PGM2L1: variants seen among roughly 807,000 people sequenced by gnomAD.
PGM2L1 encodes glucose 1,6-bisphosphate synthase.
In PGM2L1, 35 loss-of-function variants were observed where a neutral mutation model predicts 73.4. The observed-to-expected ratio is 0.48, with a 90% confidence interval of 0.36 to 0.63. PGM2L1 has a LOEUF of 0.63. Ranked by LOEUF, PGM2L1 falls within the 30% of genes least tolerant of loss-of-function variation. The pLI, the probability that PGM2L1 is intolerant of heterozygous loss-of-function variation, is 0.00. For missense variants in PGM2L1, 570 were observed against 742.0 expected (o/e 0.77, Z 2.69); for synonymous variants, 225 against 253.8 (o/e 0.89, Z 1.08).
chr11:74,369,612 T>A (rs1862719140), intron 4 of PGM2L1, among the ~76,000 whole-genome samples: 1 of 152,142 alleles, frequency 6.6e-6, no homozygotes, highest in South Asian at 2.1e-4. Flanking sequence ...TAACAAAGGA[T>A]AAGATGCTGG....
intron 1 of PGM2L1, among the ~76,000 whole-genome samples, chr11:74,384,820 A>G (rs1247677985): frequency 6.6e-6 from 1 of 152,168 alleles, no homozygotes; most frequent in Non-Finnish European, 1.5e-5. Flanking sequence ...ACCAGTATTC[A>G]CAGGGCAGCC....
At chr11:74,349,140 A>T (rs1005598209) in intron 6 of PGM2L1, among the ~76,000 whole-genome samples, 1 of 152,194 alleles carries the variant, frequency 6.6e-6, no homozygotes, top group Non-Finnish European at 1.5e-5. Flanking sequence ...TTTTTCTTTT[A>T]AAAATAATGA....
intron 5 of PGM2L1, chr11:74,355,764 C>T (rs1862442277): frequency 2.1e-6 from 1 of 470,922 alleles, no homozygotes. Context: ...AGAGGAGAGC[C>T]AGAGAAGTGA....
At chr11:74,350,260 T>C (rs1035455787) in intron 6 of PGM2L1, among the ~76,000 whole-genome samples, 6 of 152,306 alleles carry the variant, frequency 3.9e-5, no homozygotes, top group African/African-American at 1.4e-4. Flanking sequence ...AAGCTAAAAT[T>C]ATTTTGTAGG....
At chr11:74,382,349 C>T (rs1411386786) in intron 1 of PGM2L1, among the ~76,000 whole-genome samples, 1 of 152,124 alleles carries the variant, frequency 6.6e-6, no homozygotes, top group Non-Finnish European at 1.5e-5. Context: ...CTACAGAGGC[C>T]ACTCCTTGTG....
chr11:74,370,566 T>TAC (rs199915083), intron 4 of PGM2L1, among the ~76,000 whole-genome samples: 2 of 151,592 alleles, frequency 1.3e-5, no homozygotes, highest in African/African-American at 2.4e-5. Flanking sequence ...TTTACACACA[T>TAC]ACACACACAC....
At chr11:74,381,951 A>G (rs1862954300) in intron 1 of PGM2L1, among the ~76,000 whole-genome samples, 1 of 151,844 alleles carries the variant, frequency 6.6e-6, no homozygotes. Context: ...TTAAAACAAG[A>G]TACCATTTTT....
At chr11:74,355,294 C>T in intron 5 of PGM2L1, 4 of 832,264 alleles carry the variant, frequency 4.8e-6, no homozygotes, top group Non-Finnish European at 8.3e-6. Context: ...TGGCTCACAC[C>T]TGTAATCCCA....
rs1359244590 is a variant in PGM2L1, at chr11:74,335,078, T to A, written c.*1574A>T. On this transcript the variant is annotated 3_prime_UTR_variant, in exon 14 of 14. Coordinates refer to ENST00000298198, the MANE Select transcript of PGM2L1 (RefSeq NM_173582.6). ...GCCACCAAGCCCAGCCTAAACAGCA[T>A]TTCTCTATTAAACCTTTTCAGAAGA... 6.8e-6 allele frequency: 1 copy of A among 146,100 alleles called. No homozygotes were observed. Among genetic ancestry groups the A allele is most frequent in the Non-Finnish European group, 1.5e-5 (1 of 66,226 alleles). 9.1% of individuals were successfully genotyped at this position (146,100 alleles called of 1,614,324 possible).
intron 6 of PGM2L1, among the ~76,000 whole-genome samples, chr11:74,347,685 C>T (rs1214652040): frequency 6.6e-6 from 1 of 152,122 alleles, no homozygotes; most frequent in African/African-American, 2.4e-5. Flanking sequence ...CCAGTAGACC[C>T]CTCGTTTCTT....
rs866173332 is a variant in PGM2L1 at position 74,331,709 on chromosome 11, A to T, written c.*4943T>A. 2 of 152,208 alleles carry T rather than the reference A, an allele frequency of 1.3e-5. No homozygotes were observed. The highest frequency in any genetic ancestry group is 2.9e-5 in the Non-Finnish European group (2 of 68,046). 9.4% of individuals were successfully genotyped at this position (152,208 alleles called of 1,614,324 possible). ...TGGCATAAGTTTCAGTAAAGATTAA[A>T]CATATCATTTTTATATTAAAAGTTT... On this transcript the variant is annotated 3_prime_UTR_variant, in exon 14 of 14. Transcript: ENST00000298198.
Position 74,342,946 on chromosome 11 carries a change from C to A in PGM2L1, c.1381G>T (p.Ala461Ser), listed in dbSNP as rs377606136. 1.9e-6 allele frequency: 3 copies of A among 1,610,502 alleles called. No homozygotes were observed. Among genetic ancestry groups the A allele is most frequent in the African/African-American group, 1.3e-5 (1 of 74,788 alleles). ...ATATTCATGGTTTCCAGGTAAGATG[C>A]CATCTCAGCAACCACAACAGCTGCA... ...VSAAVVVAEM[A>S]SYLETMNITL... Residue 461 changes from alanine (A) to serine (S), a missense_variant, in exon 11 of 14, where the codon GCA (alanine) becomes TCA (serine). Coordinates refer to ENST00000298198, the MANE Select transcript of PGM2L1 (RefSeq NM_173582.6).
rs11408369 is a variant in PGM2L1, at chr11:74,390,170, G to GAAA, written c.111+7878_111+7880dup. 8.4e-3 allele frequency among the ~76,000 whole-genome samples: 1,161 copies of GAAA among 138,854 alleles called. 19 individuals are homozygous for GAAA. The highest frequency in any genetic ancestry group is 0.026 in the African/African-American group (974 of 37,734). The allele number at this position is 138,854 out of a possible 152,430, so 91.1% of individuals were successfully genotyped here. A position where few individuals can be genotyped will look rare whatever the true frequency, so the allele number is the denominator to read the frequency against. On this transcript the variant is annotated intron_variant, in intron 1 of 13. Coordinates refer to ENST00000298198, the MANE Select transcript of PGM2L1 (RefSeq NM_173582.6). ...AAGTAAACAAACAGCTTTTATGAAA[G>GAAA]AAAAAAAAAAAAACAGGGCAAAGAA... is the stretch of plus-strand genomic sequence containing the variant.
At position 74,336,471 on chromosome 11, in the gene PGM2L1, T is replaced by G. The variant is rs76962314; in HGVS notation, c.*181A>C. The stretch of plus-strand genomic sequence containing the variant: ...TTTGAATCATTTCCCTCTAGACCAT[T>G]TCATTTCAAACTTATACTTTGTTTA... On this transcript the variant is annotated 3_prime_UTR_variant, in exon 14 of 14. Transcript: ENST00000298198. 2.5e-6 allele frequency: 1 copy of G among 395,940 alleles called. No individual in the cohort carries two copies. The highest frequency in any genetic ancestry group is 4.5e-6 in the Non-Finnish European group (1 of 222,518). 24.5% of individuals were successfully genotyped at this position (395,940 alleles called of 1,614,324 possible).
Position 74,390,767 on chromosome 11 carries a change from C to T in PGM2L1, c.111+7284G>A, listed in dbSNP as rs1321640267. Among the ~76,000 whole-genome samples the T allele has an allele frequency of 3.3e-5, 5 of 152,262 alleles. No individual in the cohort carries two copies. The South Asian group carries it at 8.3e-4, about 25-fold the overall frequency. On this transcript the variant is annotated intron_variant, in intron 1 of 13. Transcript: ENST00000298198. ...ACCCAAAATAACTTGATAACATGTA[C>T]ATTTTGTTCTATAATCAAAATGAAA...
rs1011311918 is a variant in PGM2L1 at position 74,351,317 on chromosome 11, T to C, written c.749+66A>G. On this transcript the variant is annotated intron_variant, in intron 6 of 13. Transcript: ENST00000298198. ...ATAAATAGACAACACTTTTTATCAC[T>C]TTTTATTCTCCTCATTCTTTAACGT... is the stretch of plus-strand genomic sequence containing the variant. 3 of 1,442,810 alleles carry C rather than the reference T, an allele frequency of 2.1e-6. No homozygotes were observed. In the African/African-American group the frequency reaches 4.4e-5, roughly 21 times the overall value. 89.4% of individuals were successfully genotyped at this position (1,442,810 alleles called of 1,614,324 possible). A position where few individuals can be genotyped will look rare whatever the true frequency, so the allele number is the denominator to read the frequency against.
At chr11:74,395,737 C>G (rs1164070222) in intron 1 of PGM2L1, among the ~76,000 whole-genome samples, 2 of 151,728 alleles carry the variant, frequency 1.3e-5, no homozygotes, top group African/African-American at 4.8e-5. Context: ...ATCCTATCTT[C>G]TAATGAAGTC....
rs1295744955 is a variant in PGM2L1, at chr11:74,398,220, G to A, written c.-59C>T. ...CGAAGACACTGAGTTGGGGTGGGGG[G>A]TGGCTTGGGGTTCGCTCACCAGGGT... On this transcript the variant is annotated 5_prime_UTR_variant, in exon 1 of 14. Transcript: ENST00000298198. 19 of 1,547,180 alleles carry A rather than the reference G, an allele frequency of 1.2e-5. No homozygotes were observed. The South Asian group carries it at 1.7e-4, about 14-fold the overall frequency.
chr11:74,354,350 T>G, intron 5 of PGM2L1: 1 of 532,408 alleles, frequency 1.9e-6, no homozygotes, highest in African/African-American at 1.9e-5. Context: ...GTGTGAAAAA[T>G]CTAGTTTAAA....
Sources: allele counts gnomAD v4.1 joint callset (sites outside exome capture counted in the v4.1 genomes callset), GRCh38; gene constraint gnomAD v4.1.1; transcripts MANE v1.5; gene names NCBI Gene and HGNC (gene_info 2026-07-23, HGNC 2026-07-21).